The following HOMER2 variants were observed in gnomAD, a reference collection of about 807,000 sequenced individuals.
The protein encoded by HOMER2 is homer scaffold protein 2.
A neutral mutation model predicts 47.0 loss-of-function variants in HOMER2; 27 were observed. The ratio of observed to expected loss-of-function variants is 0.57; its 90% CI spans 0.42 to 0.79. The LOEUF (loss-of-function observed/expected upper bound fraction) is 0.79. HOMER2 is among the 30% of genes least tolerant of loss of function. HOMER2 has a pLI of 0.00. For missense variants in HOMER2, 443 were observed against 435.0 expected, an observed-to-expected ratio of 1.02 and a Z score of -0.16; for synonymous variants, 161 against 163.8, an observed-to-expected ratio of 0.98 and a Z score of 0.13.
chr15:82,949,541 G>T (rs1186037680), intron 1 of HOMER2, among the ~76,000 whole-genome samples: 1 of 152,180 alleles, frequency 6.6e-6, no homozygotes, highest in African/African-American at 2.4e-5. Flanking sequence ...TGGTGCAGAG[G>T]TGAGGCAGAA....
chr15:82,868,258 A>ATCTCCC (rs2052043808), intron 3 of HOMER2, among the ~76,000 whole-genome samples: 1 of 151,290 alleles, frequency 6.6e-6, no homozygotes, highest in African/African-American at 2.4e-5. Flanking sequence ...AGTTTGCAAA[A>ATCTCCC]ATGTTCTCCC....
chr15:82,903,261 G>A lies in HOMER2; in HGVS notation c.6-10420C>T, dbSNP rs1047642973. On this transcript the variant is annotated intron_variant, in intron 1 of 8. Coordinates refer to ENST00000450735, the MANE Select transcript of HOMER2 (RefSeq NM_004839.4). Reference sequence around the variant, plus strand: ...TTCCTGAGATTTCAAAATGGCGTCGGGAGCATTTCCAGTTTCCAGTTCAGC... The same window carrying A: ...TTCCTGAGATTTCAAAATGGCGTCGAGAGCATTTCCAGTTTCCAGTTCAGC... Among the ~76,000 whole-genome samples the A allele has an allele frequency of 2.6e-5, 4 of 152,130 alleles. No individual in the cohort carries two copies. In the South Asian group the frequency reaches 8.3e-4, roughly 32 times the overall value.
chr15:82,875,228 G>A, intron 3 of HOMER2, 45 bp downstream of exon 3: 5 of 1,601,548 alleles, frequency 3.1e-6, no homozygotes, highest in Admixed American at 1.7e-5. Flanking sequence ...GATGAGAATG[G>A]CATCTGATGC....
intron 6 of HOMER2, 129 bp downstream of exon 6, chr15:82,854,515 G>C: frequency 5.7e-6 from 5 of 881,090 alleles, no homozygotes; most frequent in Non-Finnish European, 8.5e-6. Flanking sequence ...CATGGGAGAG[G>C]CAGCAAGTCT....
At chr15:82,981,825 T>A (rs1341620464) in intron 1 of HOMER2, among the ~76,000 whole-genome samples, 1 of 152,158 alleles carries the variant, frequency 6.6e-6, no homozygotes, top group South Asian at 2.1e-4. Context: ...TAAAGTAGAA[T>A]GGTGGTTGCT....
At chr15:82,925,047 C>A (rs1055905568) in intron 1 of HOMER2, among the ~76,000 whole-genome samples, 1 of 152,196 alleles carries the variant, frequency 6.6e-6, no homozygotes, top group African/African-American at 2.4e-5. Context: ...CTCAGCTGAT[C>A]TTGGGGTAAA....
chr15:82,837,098 T>A (rs1229525847), exon 2 of HOMER2: 1 of 152,372 alleles, frequency 6.6e-6, no homozygotes, highest in Non-Finnish European at 1.5e-5. Context: ...TTTCTAGAGG[T>A]TGCCCCTGTT....
chr15:82,865,973 G>T lies in HOMER2; in HGVS notation c.295-1714C>A, dbSNP rs566077335. On this transcript the variant is annotated intron_variant, in intron 3 of 8. Transcript: ENST00000450735. ...TGCAGAAGGGAAATGTGGGGTCAAAGTCCCCCACAGAGTCCCTACTGGGGC... is the reference window on the plus strand; with the variant it reads ...TGCAGAAGGGAAATGTGGGGTCAAATTCCCCCACAGAGTCCCTACTGGGGC... Among the ~76,000 whole-genome samples, 45 of 152,336 alleles carry T rather than the reference G, an allele frequency of 3.0e-4. 2 individuals are homozygous for T. In the South Asian group the frequency reaches 8.9e-3, roughly 30 times the overall value.
intron 8 of HOMER2, 106 bp downstream of exon 8, chr15:82,851,045 C>T: frequency 1.3e-6 from 1 of 785,688 alleles, no homozygotes; most frequent in Admixed American, 2.4e-5. Flanking sequence ...GAAAATCTCT[C>T]CTTCAGCATT....
chr15:82,862,055 A>G (rs529924056), intron 4 of HOMER2, among the ~76,000 whole-genome samples: 46 of 148,550 alleles, frequency 3.1e-4, no homozygotes, highest in Middle Eastern at 7.0e-3. Context: ...AAAAACAAAA[A>G]TAGTCTTTCT....
intron 1 of HOMER2, among the ~76,000 whole-genome samples, chr15:82,923,543 C>G (rs950640248): frequency 6.6e-6 from 1 of 151,846 alleles, no homozygotes; most frequent in Admixed American, 6.6e-5. Context: ...TGAGTGAACC[C>G]CAGTCTCAGA....
chr15:82,839,456 A>G (rs1408249830), exon 2 of HOMER2: 5 of 152,362 alleles, frequency 3.3e-5, no homozygotes, highest in Non-Finnish European at 4.4e-5. Context: ...AGAACTTCCA[A>G]AGTATCTTGT....
intron 1 of HOMER2, among the ~76,000 whole-genome samples, chr15:82,972,091 T>C (rs903768050): frequency 1.3e-5 from 2 of 152,202 alleles, no homozygotes; most frequent in Admixed American, 1.3e-4. Flanking sequence ...AAGTGTACAA[T>C]TCATGATTTG....
In HOMER2 at chr15:82,952,528, C is replaced by T; in HGVS notation, c.5+3G>A. 1.7e-6 allele frequency: 2 copies of T among 1,187,422 alleles called. No individual in the cohort carries two copies. Among genetic ancestry groups the T allele is most frequent in the Non-Finnish European group, 2.1e-6 (2 of 959,176 alleles). The allele number at this position is 1,187,422 out of a possible 1,614,324, so 73.6% of individuals were successfully genotyped here. A position where few individuals can be genotyped will look rare whatever the true frequency, so the allele number is the denominator to read the frequency against. ...GGAGAGCGCGCGGCGCGGGCTCACT[C>T]ACCCCATCTCCGGCGCTGCTCCGGC... On this transcript the variant is annotated splice_donor_region_variant and intron_variant, in intron 1 of 8. Coordinates refer to ENST00000450735, the MANE Select transcript of HOMER2 (RefSeq NM_004839.4).
At chr15:82,951,767 A>G (rs560358691) in intron 1 of HOMER2, among the ~76,000 whole-genome samples, 13 of 152,266 alleles carry the variant, frequency 8.5e-5, no homozygotes, top group African/African-American at 2.7e-4. Context: ...TAAAGTGGAC[A>G]TAAGTGTCCC....
intron 1 of HOMER2, among the ~76,000 whole-genome samples, chr15:82,916,438 A>G (rs185700104): frequency 7.1e-4 from 108 of 152,312 alleles, no homozygotes; most frequent in African/African-American, 2.6e-3. Flanking sequence ...GGGATGAGGT[A>G]CAAAACAGTG....
intron 1 of HOMER2, among the ~76,000 whole-genome samples, chr15:82,894,015 C>A (rs1338776480): frequency 6.6e-6 from 1 of 152,064 alleles, no homozygotes; most frequent in Non-Finnish European, 1.5e-5. Context: ...AACAACCTGA[C>A]CAAACCTTCA....
chr15:82,878,720 T>C (rs1265254516), intron 2 of HOMER2, among the ~76,000 whole-genome samples: 1 of 152,204 alleles, frequency 6.6e-6, no homozygotes, highest in African/African-American at 2.4e-5. Flanking sequence ...CTCGACCTCC[T>C]GGGCTAAAGT....
chr15:82,858,343 G>A (rs1340625860), intron 5 of HOMER2, among the ~76,000 whole-genome samples: 3 of 151,854 alleles, frequency 2.0e-5, no homozygotes, highest in African/African-American at 2.4e-5. Flanking sequence ...AAGCTGGAGT[G>A]TGGTGGTGCA....
Sources: gnomAD v4.1 joint callset for allele counts (sites outside exome capture counted in the v4.1 genomes callset) on GRCh38, gnomAD v4.1.1 for gene constraint, MANE v1.5 for transcripts, NCBI Gene and HGNC (gene_info 2026-07-23, HGNC 2026-07-21) for gene names.